Variants in HELQ observed in about 807,000 individuals in gnomAD.
The protein encoded by HELQ is helicase POLQ-like.
Under a neutral mutation model 111.6 loss-of-function variants are expected in HELQ, and 77 were observed. The observed-to-expected ratio is 0.69, with a 90% CI of 0.57 to 0.83. The LOEUF is 0.83. HELQ is among the 40% of genes least tolerant of loss of function. HELQ has a pLI of 0.00. For synonymous variants in HELQ, 438 were observed against 454.7 expected (o/e 0.96, Z 0.47); for missense variants, 1,200 against 1,288.5 (o/e 0.93, Z 1.05).
chr4:83,417,848 T>C (rs1431388171), intron 16 of HELQ, among the ~76,000 whole-genome samples: 2 of 150,978 alleles, frequency 1.3e-5, no homozygotes, highest in African/African-American at 2.4e-5. Flanking sequence ...AGACAGTCAC[T>C]CCCACCCTTC....
At chr4:83,416,601 G>A in intron 17 of HELQ, 130 bp downstream of exon 17, 1 of 906,874 alleles carries the variant, frequency 1.1e-6, no homozygotes. Context: ...TCACAAATAA[G>A]AGTATGTACT....
chr4:83,414,558 C>G (rs761785904), intron 17 of HELQ, among the ~76,000 whole-genome samples: 1 of 152,128 alleles, frequency 6.6e-6, no homozygotes, highest in Non-Finnish European at 1.5e-5. Context: ...GCCACACAAA[C>G]CAGTTTTCAG....
At chr4:83,426,351 G>C (rs1006622039) in intron 13 of HELQ, among the ~76,000 whole-genome samples, 14 of 151,938 alleles carry the variant, frequency 9.2e-5, no homozygotes, top group Non-Finnish European at 1.9e-4. Flanking sequence ...AGATGGCTGA[G>C]GGGAAGGAGA....
chr4:83,443,119 T>C (rs998065661), intron 6 of HELQ, among the ~76,000 whole-genome samples: 5 of 152,024 alleles, frequency 3.3e-5, no homozygotes, highest in South Asian at 2.1e-4. Context: ...TACTAACATA[T>C]AAATATTTAA....
intron 6 of HELQ, among the ~76,000 whole-genome samples, chr4:83,443,032 AT>A (rs1259440562): frequency 1.3e-5 from 2 of 152,160 alleles, no homozygotes; most frequent in African/African-American, 4.8e-5. Flanking sequence ...TTCTTCAAGC[AT>A]TTTGGGAATG....
chr4:83,426,572 G>T lies in HELQ; in HGVS notation c.2677-480C>A, dbSNP rs200499452. Among the ~76,000 whole-genome samples the T allele has an allele frequency of 2.2e-4, 32 of 145,708 alleles. No individual in the cohort carries two copies. In the East Asian group the frequency reaches 2.4e-3, roughly 11 times the overall value. The stretch of plus-strand genomic sequence containing the variant: ...AATATACGTTTTTGTTTCTGTTTTT[G>T]TTTTTTTTTTTGAGACAGTCTCATT... On this transcript the variant is annotated intron_variant, in intron 13 of 17. Transcript: ENST00000295488.
At chr4:83,441,907 G>A (rs193046667) in intron 6 of HELQ, among the ~76,000 whole-genome samples, 1 of 151,618 alleles carries the variant, frequency 6.6e-6, no homozygotes, top group Non-Finnish European at 1.5e-5. Flanking sequence ...CTGAGTAGCT[G>A]GGATGACAGG....
chr4:83,455,770 A>G lies in HELQ; in HGVS notation c.-77T>C. 2.1e-6 allele frequency: 3 copies of G among 1,396,482 alleles called. No individual in the cohort carries two copies. Among genetic ancestry groups the G allele is most frequent in the Non-Finnish European group, 2.9e-6 (3 of 1,020,822 alleles). 86.5% of individuals were successfully genotyped at this position (1,396,482 alleles called of 1,614,324 possible). On this transcript the variant is annotated 5_prime_UTR_variant, in exon 1 of 18. Transcript: ENST00000295488. Reference sequence around the variant, plus strand: ...AAGCCCATATGGAAGGGAGAGTGGGACGCCGGAGCCCGCTTCTACATCCAC... The same window carrying G: ...AAGCCCATATGGAAGGGAGAGTGGGGCGCCGGAGCCCGCTTCTACATCCAC...
chr4:83,453,294 A>T lies in HELQ; in HGVS notation c.949T>A (p.Tyr317Asn). 6.2e-7 allele frequency: 1 copy of T among 1,613,708 alleles called. No homozygotes were observed. Among genetic ancestry groups the T allele is most frequent in the Non-Finnish European group, 8.5e-7 (1 of 1,179,670 alleles). Reference protein sequence around the residue: ...ESSSNDLGPFYSLPSKVRDLY... With the variant: ...ESSSNDLGPFNSLPSKVRDLY... ...TCTCTCACTTTGCTGGGTAATGAAT[A>T]AAAAGGACCAAGGTCATTTGATGAT... is the stretch of plus-strand genomic sequence containing the variant. Residue 317 changes from tyrosine (Y) to asparagine (N), a missense_variant, in exon 2 of 18, where the codon TAT becomes AAT. Tyr to Asn is a moderately radical substitution (Grantham distance 143, BLOSUM62 -2). Transcript: ENST00000295488.
chr4:83,436,790 C>A, intron 9 of HELQ, 68 bp downstream of exon 9: 1 of 1,526,378 alleles, frequency 6.6e-7, no homozygotes, highest in Non-Finnish European at 8.8e-7. Flanking sequence ...AAGCATAAAA[C>A]AACAAAACTC....
chr4:83,433,961 C>CA (rs1293324437), intron 9 of HELQ, among the ~76,000 whole-genome samples: 43 of 99,130 alleles, frequency 4.3e-4, no homozygotes, highest in African/African-American at 1.9e-3. Flanking sequence ...AACCTGGAGA[C>CA]AAAGCGAGAC....
At position 83,453,592 on chromosome 4, in the gene HELQ, A is replaced by T. The variant is rs1721527908; in HGVS notation, c.651T>A (p.Ser217=). 1 of 1,612,672 alleles carries T rather than the reference A, an allele frequency of 6.2e-7. No individual in the cohort carries two copies. Among genetic ancestry groups the T allele is most frequent in the Non-Finnish European group, 8.5e-7 (1 of 1,178,784 alleles). The part of the protein sequence containing the change: ...QNSSNDLGDH[S]MKERDWKSSS... Reference sequence around the variant, plus strand: ...ATGACTTCCAATCCCTTTCTTTCATAGAATGATCACCCAAATCATTTGAAG... The same window carrying T: ...ATGACTTCCAATCCCTTTCTTTCATTGAATGATCACCCAAATCATTTGAAG... Residue 217 remains serine, a synonymous_variant, in exon 2 of 18, where the codon TCT becomes TCA. Coordinates refer to ENST00000295488, the MANE Select transcript of HELQ (RefSeq NM_133636.5).
Position 83,421,624 on chromosome 4 carries a change from T to A in HELQ, c.2888A>T (p.Tyr963Phe), listed in dbSNP as rs773744069. ...VSEKFNMPRG[Y>F]IQNLLTGTAS... ...AGTTCCAGTGAGAAGATTTTGTATA[T>A]ATCCTCGAGGCATATTAAATTTTTC... The change falls in exon 15 of 18, where the codon TAT becomes TTT. Residue 963 changes from tyrosine to phenylalanine, a missense_variant. Tyr to Phe is a conservative substitution (Grantham distance 22, BLOSUM62 3). Transcript: ENST00000295488. 1.9e-6 allele frequency: 3 copies of A among 1,613,620 alleles called. No individual in the cohort carries two copies. Among genetic ancestry groups the A allele is most frequent in the Non-Finnish European group, 2.5e-6 (3 of 1,179,684 alleles).
intron 12 of HELQ, 29 bp from the exon 13 acceptor site, chr4:83,427,749 T>C (rs1719922548): frequency 1.4e-6 from 2 of 1,427,824 alleles, no homozygotes; most frequent in East Asian, 2.6e-5. Context: ...TATTCAATCT[T>C]TCACAATTAC....
In HELQ at chr4:83,453,950, A is replaced by G; in HGVS notation, c.298-5T>C. The stretch of plus-strand genomic sequence containing the variant: ...GTCCACTTCACTGTCATTAGGCTGC[A>G]AAGAGAACAAAAACGCTTATGGTCA... On this transcript the variant is annotated splice_region_variant and splice_polypyrimidine_tract_variant and intron_variant, in intron 1 of 17. Coordinates refer to ENST00000295488, the MANE Select transcript of HELQ (RefSeq NM_133636.5). 6.5e-7 allele frequency: 1 copy of G among 1,540,468 alleles called. No homozygotes were observed. Among genetic ancestry groups the G allele is most frequent in the Non-Finnish European group, 8.9e-7 (1 of 1,124,282 alleles).
chr4:83,449,579 T>C (rs1462160377), intron 2 of HELQ, among the ~76,000 whole-genome samples: 2 of 152,178 alleles, frequency 1.3e-5, no homozygotes, highest in African/African-American at 2.4e-5. Flanking sequence ...GCGGGATTCA[T>C]GAAAATAGAT....
rs77598624 is a variant in HELQ, at chr4:83,423,614, G to A, written c.2776-1878C>T. Among the ~76,000 whole-genome samples the A allele has an allele frequency of 0.023, 3,543 of 152,166 alleles. 287 individuals are homozygous for A. In the East Asian group the frequency reaches 0.29, roughly 12 times the overall value. On this transcript the variant is annotated intron_variant, in intron 14 of 17. Coordinates refer to ENST00000295488, the MANE Select transcript of HELQ (RefSeq NM_133636.5). ...GCAAAATACAATGCTTTATGCCAAT[G>A]TCAAGATCTTTTGTGGCAGGGCACG...
intron 16 of HELQ, among the ~76,000 whole-genome samples, chr4:83,417,474 A>T (rs1475042765): frequency 6.6e-6 from 1 of 152,102 alleles, no homozygotes; most frequent in South Asian, 2.1e-4. Flanking sequence ...AAGTGCTGTG[A>T]TTGCAGCATG....
chr4:83,407,367 T>G lies in HELQ; in HGVS notation c.*86A>C. The G allele has an allele frequency of 1.2e-6, 1 of 800,082 alleles. No individual in the cohort carries two copies. Among genetic ancestry groups the G allele is most frequent in the Non-Finnish European group, 2.0e-6 (1 of 511,638 alleles). 49.6% of individuals were successfully genotyped at this position (800,082 alleles called of 1,614,324 possible). Reference sequence around the variant, plus strand: ...GTTCTTAATGTATAACTGAAATGTATTTTTTCATTTATAAAGTATAAGTTA... The same window carrying G: ...GTTCTTAATGTATAACTGAAATGTAGTTTTTCATTTATAAAGTATAAGTTA... On this transcript the variant is annotated 3_prime_UTR_variant, in exon 18 of 18. Coordinates refer to ENST00000295488, the MANE Select transcript of HELQ (RefSeq NM_133636.5).
Sources: gnomAD v4.1 joint callset for allele counts (sites outside exome capture counted in the v4.1 genomes callset) on GRCh38, gnomAD v4.1.1 for gene constraint, MANE v1.5 for transcripts, NCBI Gene and HGNC (gene_info 2026-07-23, HGNC 2026-07-21) for gene names.